Variants in PLXNA4 observed in about 807,000 individuals in gnomAD.
The protein encoded by PLXNA4 is plexin-A4.
In PLXNA4, 44 loss-of-function variants were observed where a neutral mutation model predicts 191.8. The observed-to-expected ratio is 0.23, with a 90% CI of 0.18 to 0.29. The LOEUF (loss-of-function observed/expected upper bound fraction) is 0.29, where lower values mean the gene tolerates loss of function less well. Ranked by LOEUF, PLXNA4 falls within the 10% of genes least tolerant of loss-of-function variation. The pLI is 1.00. For synonymous variants in PLXNA4, 1,082 were observed against 1,009.5 expected (o/e 1.07, Z -1.36); for missense variants, 1,800 against 2,488.8 (o/e 0.72, Z 5.89).
chr7:132,134,778 T>G (rs571071257), intron 30 of PLXNA4, among the ~76,000 whole-genome samples: 2 of 152,262 alleles, frequency 1.3e-5, no homozygotes, highest in South Asian at 4.2e-4. Flanking sequence ...CATTTGTATT[T>G]CCATCCTTCA....
intron 2 of PLXNA4, among the ~76,000 whole-genome samples, chr7:132,492,978 G>A (rs1210532390): frequency 6.6e-6 from 1 of 152,212 alleles, no homozygotes; most frequent in Non-Finnish European, 1.5e-5. Context: ...CTGGGTCTGA[G>A]CTGAAACCAC....
chr7:132,143,308 T>C, intron 29 of PLXNA4, among the ~76,000 whole-genome samples: 1 of 152,176 alleles, frequency 6.6e-6, no homozygotes, highest in East Asian at 1.9e-4. Flanking sequence ...TGGGATTTCC[T>C]TTGCTCAGAC....
At chr7:132,197,163 T>G (rs1290901666) in intron 13 of PLXNA4, among the ~76,000 whole-genome samples, 3 of 152,212 alleles carry the variant, frequency 2.0e-5, no homozygotes, top group Non-Finnish European at 4.4e-5. Context: ...ACCTGCATTT[T>G]CTTCTAATCC....
At chr7:132,607,658 C>T (rs1330929701) in intron 2 of PLXNA4, among the ~76,000 whole-genome samples, 2 of 152,178 alleles carry the variant, frequency 1.3e-5, no homozygotes, top group Non-Finnish European at 2.9e-5. Flanking sequence ...CTAGAAGTGC[C>T]AATCAAATCA....
At chr7:132,190,770 G>A (rs1283786993) in intron 14 of PLXNA4, among the ~76,000 whole-genome samples, 1 of 152,188 alleles carries the variant, frequency 6.6e-6, no homozygotes, top group Non-Finnish European at 1.5e-5. Context: ...GTGTGCTCCA[G>A]GGTCCCTGCC....
chr7:132,553,755 G>A (rs960863766), intron 1 of PLXNA4, among the ~76,000 whole-genome samples: 3 of 152,094 alleles, frequency 2.0e-5, no homozygotes, highest in African/African-American at 7.2e-5. Flanking sequence ...GAGTGGAGAG[G>A]GTGCAAACAG....
At chr7:132,555,341 T>C (rs545495687) in intron 1 of PLXNA4, among the ~76,000 whole-genome samples, 23 of 152,196 alleles carry the variant, frequency 1.5e-4, no homozygotes, top group Non-Finnish European at 3.1e-4. Context: ...TCTTCTTCCC[T>C]TCCCATTTGC....
intron 1 of PLXNA4, among the ~76,000 whole-genome samples, chr7:132,523,883 G>A (rs1799291682): frequency 6.6e-6 from 1 of 152,196 alleles, no homozygotes; most frequent in Non-Finnish European, 1.5e-5. Flanking sequence ...CAGGGCAGTG[G>A]AGCAGAGAAG....
intron 3 of PLXNA4, among the ~76,000 whole-genome samples, chr7:132,443,378 G>A (rs1795770768): frequency 6.6e-6 from 1 of 152,206 alleles, no homozygotes; most frequent in Non-Finnish European, 1.5e-5. Flanking sequence ...ACTGCCTGAA[G>A]TTTAAATCAA....
intron 2 of PLXNA4, among the ~76,000 whole-genome samples, chr7:132,633,850 C>A (rs906563217): frequency 6.6e-6 from 1 of 152,124 alleles, no homozygotes; most frequent in African/African-American, 2.4e-5. Flanking sequence ...GATTCGCCTC[C>A]TCCCATCAGT....
chr7:132,486,059 C>G (rs980812586), intron 3 of PLXNA4, among the ~76,000 whole-genome samples: 1 of 152,188 alleles, frequency 6.6e-6, no homozygotes, highest in Admixed American at 6.5e-5. Flanking sequence ...TGCCCACCTA[C>G]CCCCATTTCC....
At position 132,165,154 on chromosome 7, in the gene PLXNA4, G is replaced by A. The variant is rs1796085608; in HGVS notation, c.4333C>T (p.Leu1445Phe). Residue 1445 changes from leucine to phenylalanine, a missense_variant, in exon 23 of 32, where the codon CTC (leucine) becomes TTC (phenylalanine). Physicochemically the swap from Leu to Phe is conservative, Grantham distance 22 (BLOSUM62 0). This residue lies in a region of PLXNA4 where 214 missense variants were observed against 298.2 expected (regional missense o/e 0.72). Transcript: ENST00000321063. ...EKMLTNWFTFLLYKFLKECAG... is the reference protein window; with the variant it reads ...EKMLTNWFTFFLYKFLKECAG... Reference sequence around the variant, plus strand: ...CCTACCTTGAGGAACTTGTAGAGGAGGAAAGTAAACCAATTGGTCAGCATC... The same window carrying A: ...CCTACCTTGAGGAACTTGTAGAGGAAGAAAGTAAACCAATTGGTCAGCATC... 1.9e-6 allele frequency: 3 copies of A among 1,613,328 alleles called. No individual in the cohort carries two copies. Among genetic ancestry groups the A allele is most frequent in the Non-Finnish European group, 2.5e-6 (3 of 1,179,550 alleles).
intron 3 of PLXNA4, among the ~76,000 whole-genome samples, chr7:132,304,139 CG>C (rs1233285448): frequency 6.9e-6 from 1 of 145,128 alleles, no homozygotes; most frequent in Non-Finnish European, 1.5e-5. Flanking sequence ...TTCATAAAGA[CG>C]TAACATACTG....
chr7:132,574,329 C>T (rs1379200170), intron 1 of PLXNA4, among the ~76,000 whole-genome samples: 2 of 152,250 alleles, frequency 1.3e-5, no homozygotes, highest in Non-Finnish European at 2.9e-5. Flanking sequence ...GGACTGTTTA[C>T]CTGGGAGGCA....
intron 4 of PLXNA4, among the ~76,000 whole-genome samples, chr7:132,261,859 C>G (rs1799657624): frequency 6.6e-6 from 1 of 152,196 alleles, no homozygotes; most frequent in Non-Finnish European, 1.5e-5. Flanking sequence ...ACCTACACAA[C>G]AGTATACTGT....
chr7:132,327,070 GAAGA>G (rs1202350749), intron 3 of PLXNA4, among the ~76,000 whole-genome samples: 1 of 149,912 alleles, frequency 6.7e-6, no homozygotes, highest in Non-Finnish European at 1.5e-5. Context: ...GGGAGGGAGA[GAAGA>G]AAGGAGGGAG....
intron 3 of PLXNA4, among the ~76,000 whole-genome samples, chr7:132,300,623 C>T (rs1413371947): frequency 6.6e-6 from 1 of 152,194 alleles, no homozygotes; most frequent in African/African-American, 2.4e-5. Context: ...TGGCCAGGTC[C>T]TTTCCTAATC....
intron 3 of PLXNA4, among the ~76,000 whole-genome samples, chr7:132,333,374 C>T (rs1307243488): frequency 6.6e-6 from 1 of 152,232 alleles, no homozygotes; most frequent in East Asian, 1.9e-4. Context: ...CTGGAGCTCC[C>T]GTGCATCTTC....
intron 4 of PLXNA4, among the ~76,000 whole-genome samples, chr7:132,294,603 G>T (rs769649899): frequency 6.6e-6 from 1 of 152,194 alleles, no homozygotes; most frequent in Admixed American, 6.5e-5. Context: ...GACCATGGGG[G>T]TTCAATCCAG....
Sources: allele counts gnomAD v4.1 joint callset (sites outside exome capture counted in the v4.1 genomes callset), GRCh38; gene constraint gnomAD v4.1.1; regional missense constraint gnomAD v4.1.1; transcripts MANE v1.5; gene names NCBI Gene and HGNC (gene_info 2026-07-23, HGNC 2026-07-21).